RBM5: variants seen among roughly 807,000 people sequenced by gnomAD.
RBM5 encodes RNA-binding protein 5.
In RBM5, 15 loss-of-function variants were observed where a neutral mutation model predicts 124.6. That is an observed-to-expected ratio of 0.12 (90% CI 0.08 to 0.19). The LOEUF is 0.19. RBM5 is among the 10% of genes least tolerant of loss of function. RBM5 has a pLI of 1.00. For synonymous variants in RBM5, 337 were observed against 361.2 expected (o/e 0.93, Z 0.76); for missense variants, 580 against 1,026.5 (o/e 0.57, Z 5.94).
Position 50,100,767 on chromosome 3 carries a change from A to G in RBM5, c.483+162A>G. 4.0e-6 allele frequency: 2 copies of G among 499,180 alleles called. No individual in the cohort carries two copies. Among genetic ancestry groups the G allele is most frequent in the South Asian group, 4.7e-5 (1 of 21,326 alleles). The allele number at this position is 499,180 out of a possible 1,614,324, so 30.9% of individuals were successfully genotyped here. On this transcript the variant is annotated intron_variant, in intron 6 of 24. Transcript: ENST00000347869. This position sits in a 1 kb window ranked among gnomAD's most constrained non-coding sequence, Gnocchi z 5.1. The stretch of plus-strand genomic sequence containing the variant: ...ATGTTACTAGAATAAGTACAGTACC[A>G]AGGACTTCATTATAGAATTTGTTCT...
In RBM5 at chr3:50,116,850, A is replaced by T. The variant is rs189696669; in HGVS notation, c.2095-224A>T. The T allele has an allele frequency of 1.1e-4, 59 of 530,856 alleles. No homozygotes were observed. In the Middle Eastern group the frequency reaches 1.6e-3, roughly 14 times the overall value. The allele number at this position is 530,856 out of a possible 1,614,324, so 32.9% of individuals were successfully genotyped here. A position where few individuals can be genotyped will look rare whatever the true frequency, so the allele number is the denominator to read the frequency against. Reference sequence around the variant, plus strand: ...TTAAATAAAACTGCTTGTTGGAGACATAGTTCTGCCCCTGGTTCCACACAA... The same window carrying T: ...TTAAATAAAACTGCTTGTTGGAGACTTAGTTCTGCCCCTGGTTCCACACAA... On this transcript the variant is annotated intron_variant, in intron 22 of 24. Coordinates refer to ENST00000347869, the MANE Select transcript of RBM5 (RefSeq NM_005778.4).
At chr3:50,108,392 A>G (rs2091079146) in intron 14 of RBM5, 88 bp downstream of exon 14, 4 of 1,263,656 alleles carry the variant, frequency 3.2e-6, no homozygotes, top group East Asian at 2.3e-5. Flanking sequence ...ACCAAAAGCT[A>G]CAAGTCCATT....
intron 6 of RBM5, chr3:50,102,774 A>G: frequency 3.0e-6 from 1 of 335,264 alleles, no homozygotes; most frequent in Non-Finnish European, 5.5e-6. Flanking sequence ...TGTCACACTC[A>G]GGCAGCCTGT....
intron 8 of RBM5, chr3:50,104,729 T>G (rs1036013156): frequency 4.2e-5 from 12 of 285,256 alleles, no homozygotes; most frequent in Non-Finnish European, 7.2e-5. Flanking sequence ...CTTAAACAAC[T>G]TGTCTGTTTT....
intron 10 of RBM5, among the ~76,000 whole-genome samples, chr3:50,106,482 G>A (rs2091034320): frequency 6.6e-6 from 1 of 152,140 alleles, no homozygotes; most frequent in African/African-American, 2.4e-5. Context: ...GGCCAGGCTG[G>A]TCTCGAACTC....
chr3:50,118,516 C>T lies in RBM5; in HGVS notation c.*60C>T. On this transcript the variant is annotated 3_prime_UTR_variant, in exon 25 of 25. Coordinates refer to ENST00000347869, the MANE Select transcript of RBM5 (RefSeq NM_005778.4). ...AGAAGTGGTCCATCTCCCGAATTCG[C>T]TGTTACCGCCTGTCTCTTTAAGGGC... 6.4e-7 allele frequency: 1 copy of T among 1,563,620 alleles called. No homozygotes were observed. The highest frequency in any genetic ancestry group is 8.7e-7 in the Non-Finnish European group (1 of 1,150,272).
Position 50,092,023 on chromosome 3 carries a change from A to G in RBM5, c.18-20A>G. 6.2e-7 allele frequency: 1 copy of G among 1,612,900 alleles called. No individual in the cohort carries two copies. Among genetic ancestry groups the G allele is most frequent in the South Asian group, 1.1e-5 (1 of 91,060 alleles). On this transcript the variant is annotated intron_variant, in intron 2 of 24. Coordinates refer to ENST00000347869, the MANE Select transcript of RBM5 (RefSeq NM_005778.4). Reference sequence around the variant, plus strand: ...ACAAAATGTGACTGACTTTAGAATGAAAATTATTTTCCCTGGCAGAGTGAG... The same window carrying G: ...ACAAAATGTGACTGACTTTAGAATGGAAATTATTTTCCCTGGCAGAGTGAG...
At position 50,100,663 on chromosome 3, in the gene RBM5, TA is replaced by T. The variant is rs988091724; in HGVS notation, c.483+65del. 23 of 1,422,600 alleles carry T rather than the reference TA, an allele frequency of 1.6e-5. 1 individual carries two copies. The highest frequency in any genetic ancestry group is 5.7e-5 in the African/African-American group (4 of 70,090). The allele number at this position is 1,422,600 out of a possible 1,614,324, so 88.1% of individuals were successfully genotyped here. The stretch of plus-strand genomic sequence containing the variant: ...AAAATGGAACAAGTCTGTACAATTT[TA>T]AAAAAAGGTTGAAGGAGTGGTTTGT... On this transcript the variant is annotated intron_variant, in intron 6 of 24. Coordinates refer to ENST00000347869, the MANE Select transcript of RBM5 (RefSeq NM_005778.4). This position sits in a 1 kb window ranked among gnomAD's most constrained non-coding sequence, Gnocchi z 5.1.
Position 50,108,268 on chromosome 3 carries a change from G to C in RBM5, c.1156G>C (p.Ala386Pro), listed in dbSNP as rs752032264. Residue 386 changes from alanine (A) to proline (P), a missense_variant, in exon 14 of 25, where the codon GCT becomes CCT. Coordinates refer to ENST00000347869, the MANE Select transcript of RBM5 (RefSeq NM_005778.4). The stretch of plus-strand genomic sequence containing the variant: ...TTATCAGCAGTTTTATCAACAACAA[G>C]CTGGAGGATTGGAATCTGATGCATC... Reference protein sequence around the residue: ...QDYQQFYQQQAGGLESDASSA... With the variant: ...QDYQQFYQQQPGGLESDASSA... 3 of 1,613,662 alleles carry C rather than the reference G, an allele frequency of 1.9e-6. No homozygotes were observed. Among genetic ancestry groups the C allele is most frequent in the South Asian group, 1.1e-5 (1 of 91,076 alleles).
chr3:50,115,620 C>T lies in RBM5; in HGVS notation c.2019+13C>T. 6.3e-7 allele frequency: 1 copy of T among 1,599,698 alleles called. No homozygotes were observed. Among genetic ancestry groups the T allele is most frequent in the East Asian group, 2.2e-5 (1 of 44,772 alleles). On this transcript the variant is annotated intron_variant, in intron 21 of 24. Transcript: ENST00000347869. The stretch of plus-strand genomic sequence containing the variant: ...AGACCTTCACAAGGTGGCCATGCTT[C>T]TGAGCTGATCTGAGGGGGCGAGGGG...
chr3:50,099,362 C>G (rs2090892413), intron 4 of RBM5, among the ~76,000 whole-genome samples: 1 of 150,194 alleles, frequency 6.7e-6, no homozygotes, highest in South Asian at 2.1e-4. Flanking sequence ...GAGAAATGTT[C>G]TCTCTTTTTT....
rs1251880471 is a variant in RBM5, at chr3:50,088,993, C to T, written c.-90C>T. On this transcript the variant is annotated 5_prime_UTR_variant, in exon 1 of 25. Transcript: ENST00000347869. ...CCGAACCTTGTTGGAGGTTCTGGGG[C>T]GCAGAACCGCTACTGCTGCTTCGGT... 2.0e-5 allele frequency: 3 copies of T among 152,278 alleles called. No homozygotes were observed. Among genetic ancestry groups the T allele is most frequent in the Admixed American group, 6.5e-5 (1 of 15,278 alleles). The allele number at this position is 152,278 out of a possible 1,614,324, so 9.4% of individuals were successfully genotyped here.
At chr3:50,108,862 G>T (rs577916855) in intron 14 of RBM5, among the ~76,000 whole-genome samples, 1 of 152,190 alleles carries the variant, frequency 6.6e-6, no homozygotes, top group Non-Finnish European at 1.5e-5. Flanking sequence ...ATTCAACTCT[G>T]TATTTCCCCT....
chr3:50,099,906 T>G, intron 4 of RBM5, 76 bp from the exon 5 acceptor site: 5 of 1,299,934 alleles, frequency 3.8e-6, no homozygotes, highest in African/African-American at 1.5e-5. Flanking sequence ...AATTAAACAG[T>G]TGATGTAATT....
At chr3:50,108,888 C>T (rs181361095) in intron 14 of RBM5, among the ~76,000 whole-genome samples, 148 of 152,258 alleles carry the variant, frequency 9.7e-4, no homozygotes, top group South Asian at 7.5e-3. Context: ...TGTTTGGAGT[C>T]GTGAGTGCCC....
chr3:50,115,685 G>A, intron 21 of RBM5, 78 bp downstream of exon 21: 3 of 1,496,380 alleles, frequency 2.0e-6, no homozygotes, highest in Non-Finnish European at 2.7e-6. Context: ...AGTCCTGACG[G>A]TTCCAAAAAT....
rs1184447524 is a variant in RBM5 at position 50,100,139 on chromosome 3, C to G, written c.409+88C>G. 1 of 1,177,674 alleles carries G rather than the reference C, an allele frequency of 8.5e-7. No individual in the cohort carries two copies. The highest frequency in any genetic ancestry group is 1.2e-6 in the Non-Finnish European group (1 of 814,802). The allele number at this position is 1,177,674 out of a possible 1,614,324, so 73.0% of individuals were successfully genotyped here. The stretch of plus-strand genomic sequence containing the variant: ...AGAACATCCTGATTCCCCCAGTCTT[C>G]AAGCACATGAATTCAGAATGAAAGG... On this transcript the variant is annotated intron_variant, in intron 5 of 24. Coordinates refer to ENST00000347869, the MANE Select transcript of RBM5 (RefSeq NM_005778.4). This position sits in a 1 kb window ranked among gnomAD's most constrained non-coding sequence, Gnocchi z 5.1.
intron 20 of RBM5, 39 bp downstream of exon 20, chr3:50,114,290 T>C (rs757702898): frequency 1.3e-6 from 2 of 1,567,034 alleles, no homozygotes; most frequent in African/African-American, 1.4e-5. Flanking sequence ...ACCCTATCTG[T>C]GGTTTGTGTC....
intron 3 of RBM5, among the ~76,000 whole-genome samples, chr3:50,092,471 G>GAATCACTTGA (rs2108984952): frequency 6.6e-6 from 1 of 151,012 alleles, no homozygotes; most frequent in South Asian, 2.1e-4. Flanking sequence ...TGAGGTAAGA[G>GAATCACTTGA]AATCACTTGA....
Sources: gnomAD v4.1 joint callset for allele counts (sites outside exome capture counted in the v4.1 genomes callset) on GRCh38, gnomAD v4.1.1 for gene constraint, Gnocchi (gnomAD v3.1) non-coding constraint, MANE v1.5 for transcripts, NCBI Gene and HGNC (gene_info 2026-07-23, HGNC 2026-07-21) for gene names.